CDIN1: variants seen among roughly 807,000 people sequenced by gnomAD.
CDIN1 encodes the protein CDAN1 interacting nuclease 1.
In CDIN1, 33 loss-of-function variants were observed where a neutral mutation model predicts 45.3. The ratio of observed to expected loss-of-function variants is 0.73; its 90% CI spans 0.55 to 0.97. The LOEUF is 0.97. CDIN1 is among the 50% of genes least tolerant of loss of function. The pLI is 0.00. For synonymous variants in CDIN1, 118 were observed against 124.4 expected (o/e 0.95, Z 0.34); for missense variants, 303 against 339.4 (o/e 0.89, Z 0.84).
chr15:36,806,301 A>G (rs1345261985), intron 10 of CDIN1, among the ~76,000 whole-genome samples: 4 of 152,220 alleles, frequency 2.6e-5, no homozygotes, highest in Non-Finnish European at 5.9e-5. Flanking sequence ...AAGAGCTGTC[A>G]TGCTTCGTGT....
At chr15:36,710,802 T>C (rs2043030036) in intron 10 of CDIN1, among the ~76,000 whole-genome samples, 1 of 152,080 alleles carries the variant, frequency 6.6e-6, no homozygotes, top group Non-Finnish European at 1.5e-5. Flanking sequence ...GACAGTAGCA[T>C]CTGTGGGTAA....
chr15:36,700,964 G>A (rs2042609864), intron 8 of CDIN1, among the ~76,000 whole-genome samples: 2 of 151,782 alleles, frequency 1.3e-5, no homozygotes, highest in Admixed American at 6.6e-5. Context: ...CAGCTACTTG[G>A]GAGGCCAAAG....
At chr15:36,742,660 G>A (rs930296477) in intron 10 of CDIN1, among the ~76,000 whole-genome samples, 5 of 152,162 alleles carry the variant, frequency 3.3e-5, no homozygotes, top group African/African-American at 1.2e-4. Context: ...GTTTGCCTGT[G>A]TAGAATAAGT....
chr15:36,800,698 C>T (rs564412173), intron 10 of CDIN1, among the ~76,000 whole-genome samples: 9 of 151,436 alleles, frequency 5.9e-5, no homozygotes, highest in East Asian at 5.8e-4. Flanking sequence ...TGTTTGAAAA[C>T]GCACTCTTCA....
At chr15:36,805,409 G>A (rs545689061) in intron 10 of CDIN1, among the ~76,000 whole-genome samples, 1 of 152,180 alleles carries the variant, frequency 6.6e-6, no homozygotes, top group African/African-American at 2.4e-5. Context: ...TCTTTTCAAT[G>A]TTGTTAACAA....
intron 2 of CDIN1, 94 bp from the exon 3 acceptor site, chr15:36,645,129 A>T: frequency 1.0e-6 from 1 of 962,960 alleles, no homozygotes; most frequent in Non-Finnish European, 1.6e-6. Context: ...CCTATGTGCT[A>T]GTCACTGGGC....
chr15:36,604,417 G>C (rs1394812169), intron 1 of CDIN1, among the ~76,000 whole-genome samples: 1 of 15,898 alleles, frequency 6.3e-5, no homozygotes, highest in Non-Finnish European at 1.1e-4. Context: ...CTTTTAAAAG[G>C]TACACACACA....
intron 4 of CDIN1, among the ~76,000 whole-genome samples, chr15:36,656,066 G>A (rs991936309): frequency 6.6e-6 from 1 of 152,144 alleles, no homozygotes; most frequent in African/African-American, 2.4e-5. Flanking sequence ...CTACAGACTA[G>A]TACAGAAAGA....
At chr15:36,759,596 A>G (rs1487094217) in intron 10 of CDIN1, among the ~76,000 whole-genome samples, 1 of 152,148 alleles carries the variant, frequency 6.6e-6, no homozygotes, top group African/African-American at 2.4e-5. Flanking sequence ...TTATCTTCCC[A>G]ATTCATTTAC....
chr15:36,694,387 A>G (rs2042352704), intron 7 of CDIN1, among the ~76,000 whole-genome samples: 1 of 152,210 alleles, frequency 6.6e-6, no homozygotes, highest in African/African-American at 2.4e-5. Context: ...GCTTACTCTC[A>G]GTAAATTACA....
intron 10 of CDIN1, among the ~76,000 whole-genome samples, chr15:36,781,695 T>C (rs753279930): frequency 2.0e-5 from 3 of 152,226 alleles, no homozygotes; most frequent in Non-Finnish European, 4.4e-5. Context: ...AATTCAAGAC[T>C]ATGGCACAGA....
At chr15:36,655,195 A>G (rs962365672) in intron 4 of CDIN1, among the ~76,000 whole-genome samples, 7 of 152,222 alleles carry the variant, frequency 4.6e-5, no homozygotes, top group Non-Finnish European at 7.3e-5. Flanking sequence ...TTAATAGTCT[A>G]AGCAATGTCT....
chr15:36,704,191 T>C (rs2140801290), intron 8 of CDIN1: 1 of 112,676 alleles, frequency 8.9e-6, no homozygotes, highest in South Asian at 3.0e-4. Flanking sequence ...TCACCTCCCC[T>C]TTTTTTTCTA....
chr15:36,619,150 AG>A, intron 1 of CDIN1: 1 of 1,141,484 alleles, frequency 8.8e-7, no homozygotes, highest in South Asian at 1.4e-5. Flanking sequence ...TACCATTCCC[AG>A]GGGAGCAGCT....
At chr15:36,711,811 A>G (rs17499587) in intron 10 of CDIN1, among the ~76,000 whole-genome samples, 12,395 of 152,216 alleles carry the variant, frequency 0.081, 653 homozygotes, top group Non-Finnish European at 0.12. Flanking sequence ...AAGAAATGCA[A>G]GTTCAAAAAG....
At chr15:36,669,664 T>C (rs892640193) in intron 5 of CDIN1, among the ~76,000 whole-genome samples, 2 of 152,084 alleles carry the variant, frequency 1.3e-5, no homozygotes, top group Non-Finnish European at 2.9e-5. Flanking sequence ...TACATTTAGC[T>C]GTCTTGTTTC....
chr15:36,701,915 C>G, intron 8 of CDIN1: 1 of 593,172 alleles, frequency 1.7e-6, no homozygotes, highest in Non-Finnish European at 3.0e-6. Context: ...ATCTTTGTTT[C>G]TAAGAGTTCA....
At chr15:36,591,994 T>G (rs2037597010) in intron 1 of CDIN1, 1 of 152,174 alleles carries the variant, frequency 6.6e-6, no homozygotes. Context: ...AGTGGCCACT[T>G]TATGCCAGCC....
chr15:36,655,446 C>T (rs1379096108), intron 4 of CDIN1, among the ~76,000 whole-genome samples: 2 of 151,870 alleles, frequency 1.3e-5, no homozygotes, highest in African/African-American at 4.8e-5. Context: ...CCTGCTTCAG[C>T]CTCCTGAGTT....
Sources: gnomAD v4.1 joint callset for allele counts (sites outside exome capture counted in the v4.1 genomes callset) on GRCh38, gnomAD v4.1.1 for gene constraint, MANE v1.5 for transcripts, NCBI Gene and HGNC (gene_info 2026-07-23, HGNC 2026-07-21) for gene names.